PARD3B: variants seen among roughly 807,000 people sequenced by gnomAD.
PARD3B encodes partitioning defective 3 homolog B.
PARD3B carries 103 observed loss-of-function variants against 130.2 expected under a neutral mutation model. The ratio of observed to expected loss-of-function variants is 0.79; its 90% CI spans 0.67 to 0.93. The LOEUF is 0.93. Among genes scored for constraint, PARD3B ranks in the 40% least tolerant of loss-of-function variants. The probability of loss-of-function intolerance (pLI) is 0.00; values close to 1 mark genes in which losing one functional copy is unlikely to be tolerated. For synonymous variants in PARD3B, 583 were observed against 553.2 expected (o/e 1.05, Z -0.76); for missense variants, 1,609 against 1,499.2 (o/e 1.07, Z -1.21).
intron 22 of PARD3B, among the ~76,000 whole-genome samples, chr2:205,561,149 C>G (rs2053118860): frequency 1.3e-5 from 2 of 152,056 alleles, no homozygotes; most frequent in Non-Finnish European, 2.9e-5. Flanking sequence ...TGTCATTTAC[C>G]TCACTTCTTA....
chr2:204,935,083 TC>T (rs1334601789), intron 2 of PARD3B, among the ~76,000 whole-genome samples: 8 of 152,156 alleles, frequency 5.3e-5, no homozygotes, highest in East Asian at 3.9e-4. Flanking sequence ...GTCACTGTTA[TC>T]CCACAGTTTG....
At position 204,906,019 on chromosome 2, in the gene PARD3B, A is replaced by T. The variant is rs2047030560; in HGVS notation, c.223-59133A>T. Among the ~76,000 whole-genome samples the T allele has an allele frequency of 6.6e-6, 1 of 152,222 alleles. No individual in the cohort carries two copies. The highest frequency in any genetic ancestry group is 1.5e-5 in the Non-Finnish European group (1 of 68,042). ...GGATTTGGAAGGCAAAGGGAACAGG[A>T]CAACAAGGGTAGTTGTAGCCATTAC... On this transcript the variant is annotated intron_variant, in intron 2 of 22. Transcript: ENST00000406610. The surrounding 1 kb of genome is among the most constrained non-coding windows in gnomAD (Gnocchi z 4.3).
At chr2:204,785,514 A>G (rs2041978085) in intron 2 of PARD3B, among the ~76,000 whole-genome samples, 1 of 152,082 alleles carries the variant, frequency 6.6e-6, no homozygotes, top group Non-Finnish European at 1.5e-5. Flanking sequence ...CTTCCTTAAT[A>G]TGACACTTTA....
intron 3 of PARD3B, among the ~76,000 whole-genome samples, chr2:205,039,570 G>A (rs1404396907): frequency 6.6e-6 from 1 of 151,648 alleles, no homozygotes; most frequent in Non-Finnish European, 1.5e-5. Context: ...CCCGGATTCA[G>A]GTAATTTTCC....
chr2:204,775,645 GC>G (rs1411465242), intron 2 of PARD3B, among the ~76,000 whole-genome samples: 6 of 152,110 alleles, frequency 3.9e-5, no homozygotes, highest in African/African-American at 1.4e-4. Context: ...ATACAGTGCT[GC>G]CTTCTGAGTC....
intron 2 of PARD3B, among the ~76,000 whole-genome samples, chr2:204,929,414 A>G (rs16836741): frequency 0.053 from 8,056 of 152,238 alleles, 720 homozygotes; most frequent in African/African-American, 0.18. Context: ...TCACATTTAT[A>G]AAACGTCTTA....
chr2:205,249,455 C>G (rs868821918), intron 16 of PARD3B, among the ~76,000 whole-genome samples: 1 of 151,998 alleles, frequency 6.6e-6, no homozygotes, highest in African/African-American at 2.4e-5. Context: ...TTGGGTACCT[C>G]CCAAATTTGT....
At position 205,028,788 on chromosome 2, in the gene PARD3B, A is replaced by G. The variant is rs933563751; in HGVS notation, c.395-18793A>G. ...ATAGAAAACCCTAAGGAAAACCCAA[A>G]GAAACTGTTAAAACTAATAAATTCA... On this transcript the variant is annotated intron_variant, in intron 3 of 22. Transcript: ENST00000406610. 1.1e-4 allele frequency among the ~76,000 whole-genome samples: 17 copies of G among 152,340 alleles called. 1 individual carries two copies. The highest frequency in any genetic ancestry group is 4.1e-4 in the African/African-American group (17 of 41,586).
chr2:204,626,643 AT>A (rs1334113815), intron 1 of PARD3B, among the ~76,000 whole-genome samples: 1 of 152,086 alleles, frequency 6.6e-6, no homozygotes, highest in Non-Finnish European at 1.5e-5. Flanking sequence ...TAGTAAATGT[AT>A]TTTTTCCCTC....
intron 3 of PARD3B, among the ~76,000 whole-genome samples, chr2:205,005,631 A>G (rs1575538969): frequency 6.6e-6 from 1 of 152,344 alleles, no homozygotes; most frequent in East Asian, 1.9e-4. Flanking sequence ...GATGCAAGGC[A>G]AACAGAAAGA....
rs529054390 is a variant in PARD3B at position 205,448,214 on chromosome 2, T to C, written c.3044+7542T>C. Among the ~76,000 whole-genome samples the C allele has an allele frequency of 9.2e-5, 14 of 152,342 alleles. No individual in the cohort carries two copies. The South Asian group carries it at 2.9e-3, about 32-fold the overall frequency. Reference sequence around the variant, plus strand: ...TGGGGAATGTGTACACTAAAGTCTATTGAGTTTATGATTGCTTTGTTGGGC... The same window carrying C: ...TGGGGAATGTGTACACTAAAGTCTACTGAGTTTATGATTGCTTTGTTGGGC... On this transcript the variant is annotated intron_variant, in intron 20 of 22. Coordinates refer to ENST00000406610, the MANE Select transcript of PARD3B (RefSeq NM_001302769.2).
At chr2:205,209,562 A>C (rs888861270) in intron 15 of PARD3B, among the ~76,000 whole-genome samples, 3 of 150,518 alleles carry the variant, frequency 2.0e-5, no homozygotes, top group Admixed American at 2.0e-4. Flanking sequence ...GTTATATATA[A>C]TGTGCAATTA....
chr2:204,972,395 A>G (rs1248307210), intron 3 of PARD3B, among the ~76,000 whole-genome samples: 3 of 152,182 alleles, frequency 2.0e-5, no homozygotes. Flanking sequence ...AATAAAAATT[A>G]CCACCATCCT....
intron 22 of PARD3B, among the ~76,000 whole-genome samples, chr2:205,588,899 G>A (rs1325165824): frequency 1.3e-5 from 2 of 152,146 alleles, no homozygotes; most frequent in East Asian, 3.9e-4. Context: ...GCTTTCAAAA[G>A]CACAGGAGAG....
At chr2:205,104,879 G>A (rs181344925) in intron 5 of PARD3B, among the ~76,000 whole-genome samples, 15 of 152,040 alleles carry the variant, frequency 9.9e-5, no homozygotes, top group Admixed American at 4.6e-4. Flanking sequence ...CTAGACCACC[G>A]GGGAACCCTA....
At chr2:205,120,347 T>C (rs1055897536) in intron 7 of PARD3B, among the ~76,000 whole-genome samples, 5 of 152,006 alleles carry the variant, frequency 3.3e-5, no homozygotes, top group East Asian at 3.9e-4. Flanking sequence ...AAAAATAACA[T>C]AGGGGAACTG....
At chr2:204,926,658 T>C (rs1217004899) in intron 2 of PARD3B, among the ~76,000 whole-genome samples, 1 of 152,102 alleles carries the variant, frequency 6.6e-6, no homozygotes, top group South Asian at 2.1e-4. Flanking sequence ...TAGGTCTTCA[T>C]AGCAGTTTTG....
intron 22 of PARD3B, among the ~76,000 whole-genome samples, chr2:205,569,187 T>A (rs1457836388): frequency 6.6e-6 from 1 of 152,082 alleles, no homozygotes; most frequent in Non-Finnish European, 1.5e-5. Context: ...TTTTTTTTAG[T>A]TTGTTGTAGC....
intron 2 of PARD3B, among the ~76,000 whole-genome samples, chr2:204,875,667 A>G (rs967479634): frequency 1.3e-5 from 2 of 152,196 alleles, no homozygotes; most frequent in African/African-American, 4.8e-5. Flanking sequence ...TTATCTGACA[A>G]TTTATGTGCA....
Sources: allele counts gnomAD v4.1 joint callset (sites outside exome capture counted in the v4.1 genomes callset), GRCh38; gene constraint gnomAD v4.1.1; non-coding constraint Gnocchi (gnomAD v3.1); transcripts MANE v1.5; gene names NCBI Gene and HGNC (gene_info 2026-07-23, HGNC 2026-07-21).